The following XKR9 variants were observed in gnomAD, a reference collection of about 807,000 sequenced individuals.
The protein encoded by XKR9 is XK-related protein 9.
A neutral mutation model predicts 32.0 loss-of-function variants in XKR9; 32 were observed. That is an observed-to-expected ratio of 1.00 (90% CI 0.76 to 1.34). The LOEUF is 1.34. Ranked by LOEUF, XKR9 falls within the 40% of genes most tolerant of loss-of-function variation. XKR9 has a pLI of 0.00. For synonymous variants in XKR9, 168 were observed against 143.4 expected (o/e 1.17, Z -1.22); for missense variants, 546 against 429.7 (o/e 1.27, Z -2.39).
At chr8:70,896,847 C>A in the XKR9 span, among the ~76,000 whole-genome samples, 1 of 152,064 alleles carries the variant, frequency 6.6e-6, no homozygotes, top group Non-Finnish European at 1.5e-5. Context: ...AGGTACCCAT[C>A]ACCTCAAAGC....
At chr8:70,684,302 C>G (rs147415145) in intron 3 of XKR9, among the ~76,000 whole-genome samples, 11 of 152,092 alleles carry the variant, frequency 7.2e-5, no homozygotes, top group African/African-American at 2.4e-4. Flanking sequence ...GTTACACGTT[C>G]TCACTGTGTT....
At chr8:70,778,500 T>C (rs1168016509) in intron 2 of XKR9, among the ~76,000 whole-genome samples, 2 of 152,214 alleles carry the variant, frequency 1.3e-5, no homozygotes, top group East Asian at 3.8e-4. Flanking sequence ...CAGTGGTAGC[T>C]TGATGGCAAT....
At chr8:70,815,276 A>C in the XKR9 span, among the ~76,000 whole-genome samples, 3 of 152,038 alleles carry the variant, frequency 2.0e-5, no homozygotes, top group Non-Finnish European at 4.4e-5. Flanking sequence ...CCAACGTATT[A>C]AGCCTAGTAC....
intron 4 of XKR9, among the ~76,000 whole-genome samples, chr8:70,720,857 A>G (rs772963659): frequency 2.0e-5 from 3 of 152,188 alleles, no homozygotes; most frequent in Admixed American, 6.5e-5. Flanking sequence ...ATTGTTTGGA[A>G]TAGTTCCCCA....
chr8:70,905,021 T>C, the XKR9 span, among the ~76,000 whole-genome samples: 4 of 152,204 alleles, frequency 2.6e-5, no homozygotes, highest in Non-Finnish European at 5.9e-5. Context: ...CCTTTGTGGG[T>C]AATTCGACCT....
the XKR9 span, among the ~76,000 whole-genome samples, chr8:71,008,227 C>T: frequency 6.6e-6 from 1 of 152,120 alleles, no homozygotes; most frequent in East Asian, 1.9e-4. Flanking sequence ...GGAGGAGGTA[C>T]AAGGGCAAAG....
chr8:70,993,722 G>C, the XKR9 span, among the ~76,000 whole-genome samples: 2 of 149,288 alleles, frequency 1.3e-5, no homozygotes, highest in African/African-American at 2.5e-5. Context: ...ATAGATTGTA[G>C]CTGGTGGTAA....
chr8:70,976,774 A>T, the XKR9 span, among the ~76,000 whole-genome samples: 2 of 152,158 alleles, frequency 1.3e-5, no homozygotes, highest in African/African-American at 4.8e-5. Flanking sequence ...TATTGATTGG[A>T]ATAATTTCAG....
chr8:70,851,771 C>T, the XKR9 span, among the ~76,000 whole-genome samples: 6 of 152,160 alleles, frequency 3.9e-5, no homozygotes, highest in African/African-American at 1.4e-4. Context: ...ACACCTTATA[C>T]AAAAATTAAC....
the XKR9 span, among the ~76,000 whole-genome samples, chr8:70,903,542 G>A: frequency 3.3e-5 from 5 of 151,790 alleles, no homozygotes; most frequent in South Asian, 4.2e-4. Flanking sequence ...TTCTTTATTA[G>A]TCTTGCTGGC....
At chr8:70,681,746 A>G (rs766977345) in intron 3 of XKR9, among the ~76,000 whole-genome samples, 1 of 152,088 alleles carries the variant, frequency 6.6e-6, no homozygotes, top group Non-Finnish European at 1.5e-5. Context: ...TGCAGTAGCT[A>G]TGTGGTTAGC....
intron 2 of XKR9, among the ~76,000 whole-genome samples, chr8:70,755,921 A>T (rs889636604): frequency 3.9e-5 from 6 of 151,912 alleles, no homozygotes; most frequent in East Asian, 1.9e-4. Context: ...AATAATAATT[A>T]AAAAAAAGAT....
At chr8:70,730,398 C>T (rs902623881) in intron 4 of XKR9, among the ~76,000 whole-genome samples, 26 of 152,052 alleles carry the variant, frequency 1.7e-4, no homozygotes, top group Non-Finnish European at 3.2e-4. Flanking sequence ...CTCCATAGAG[C>T]TCTTTTTTTC....
chr8:70,716,444 A>T (rs1027666279), intron 4 of XKR9, among the ~76,000 whole-genome samples: 3 of 151,640 alleles, frequency 2.0e-5, no homozygotes, highest in Non-Finnish European at 4.4e-5. Flanking sequence ...GGGGGGCCTT[A>T]GAAAACTTAC....
chr8:70,803,462 G>A, the XKR9 span, among the ~76,000 whole-genome samples: 2 of 152,232 alleles, frequency 1.3e-5, no homozygotes, highest in African/African-American at 4.8e-5. Flanking sequence ...TTTCAGCCTG[G>A]TTAAGAATTA....
At chr8:70,858,576 G>A in the XKR9 span, among the ~76,000 whole-genome samples, 31 of 152,068 alleles carry the variant, frequency 2.0e-4, no homozygotes, top group African/African-American at 7.5e-4. Context: ...AAAGAACAAT[G>A]CTGGAGGCAT....
At chr8:70,884,817 T>G in the XKR9 span, among the ~76,000 whole-genome samples, 1 of 152,218 alleles carries the variant, frequency 6.6e-6, no homozygotes, top group East Asian at 1.9e-4. Context: ...AGTCAGGTAG[T>G]GTCAATAAAT....
chr8:70,875,317 C>G, the XKR9 span, among the ~76,000 whole-genome samples: 1 of 152,260 alleles, frequency 6.6e-6, no homozygotes, highest in Non-Finnish European at 1.5e-5. Flanking sequence ...AAAAATTGTC[C>G]TATGCTGTTT....
At chr8:70,821,727 A>G in the XKR9 span, among the ~76,000 whole-genome samples, 995 of 152,290 alleles carry the variant, frequency 6.5e-3, 5 homozygotes, top group Middle Eastern at 0.048. Context: ...TGAGCAGTAA[A>G]TTGGCCCTTT....
Sources: allele counts gnomAD v4.1 joint callset (sites outside exome capture counted in the v4.1 genomes callset), GRCh38; gene constraint gnomAD v4.1.1; transcripts MANE v1.5; gene names NCBI Gene and HGNC (gene_info 2026-07-23, HGNC 2026-07-21).